Variants in EBF1 observed in about 807,000 individuals in gnomAD.
EBF1 encodes EBF transcription factor 1, also known as transcription factor COE1.
In EBF1, 10 loss-of-function variants were observed where a neutral mutation model predicts 68.4. The ratio of observed to expected loss-of-function variants is 0.15; its 90% CI spans 0.09 to 0.25. The LOEUF is 0.25. Among genes scored for constraint, EBF1 ranks in the 10% least tolerant of loss-of-function variants. The probability of loss-of-function intolerance (pLI) is 1.00; values close to 1 mark genes in which losing one functional copy is unlikely to be tolerated. For synonymous variants in EBF1, 298 were observed against 299.8 expected (o/e 0.99, Z 0.06); for missense variants, 509 against 794.4 (o/e 0.64, Z 4.32).
At chr5:158,933,307 C>T (rs1811297311) in intron 6 of EBF1, among the ~76,000 whole-genome samples, 1 of 152,062 alleles carries the variant, frequency 6.6e-6, no homozygotes, top group African/African-American at 2.4e-5. Context: ...CCACTATAGG[C>T]AACCATCATT....
intron 11 of EBF1, among the ~76,000 whole-genome samples, chr5:158,722,093 TC>T (rs1271504001): frequency 6.6e-6 from 1 of 152,108 alleles, no homozygotes; most frequent in Non-Finnish European, 1.5e-5. Flanking sequence ...TTATTCCAAT[TC>T]ATTGTACTGG....
chr5:158,962,850 C>G (rs1424888591), intron 6 of EBF1, among the ~76,000 whole-genome samples: 1 of 152,188 alleles, frequency 6.6e-6, no homozygotes, highest in Non-Finnish European at 1.5e-5. Context: ...AAGTTTCATA[C>G]TGACTCAAAA....
At chr5:158,910,344 T>C (rs1805688312) in intron 6 of EBF1, among the ~76,000 whole-genome samples, 1 of 152,244 alleles carries the variant, frequency 6.6e-6, no homozygotes, top group Admixed American at 6.5e-5. Flanking sequence ...CTGTTAATAT[T>C]TCCCTTAGAG....
Position 159,077,046 on chromosome 5 carries a change from G to C in EBF1, c.486-3582C>G, listed in dbSNP as rs975923711. Among the ~76,000 whole-genome samples the C allele has an allele frequency of 5.9e-5, 9 of 152,356 alleles. No individual in the cohort carries two copies. In the East Asian group the frequency reaches 1.7e-3, roughly 29 times the overall value. Reference sequence around the variant, plus strand: ...GGGAGAAAAATGAAAGCATGAAAGAGTGAAAGGGAGAGAGGGAGGGGAAGA... The same window carrying C: ...GGGAGAAAAATGAAAGCATGAAAGACTGAAAGGGAGAGAGGGAGGGGAAGA... On this transcript the variant is annotated intron_variant, in intron 5 of 15. Transcript: ENST00000313708.
chr5:158,727,088 T>C (rs1386920757), intron 11 of EBF1, among the ~76,000 whole-genome samples: 2 of 152,216 alleles, frequency 1.3e-5, no homozygotes, highest in Admixed American at 6.5e-5. Context: ...GTGTACCAAG[T>C]AGGGGATCAT....
chr5:158,943,142 C>A (rs1413128890), intron 6 of EBF1, among the ~76,000 whole-genome samples: 1 of 152,050 alleles, frequency 6.6e-6, no homozygotes, highest in Non-Finnish European at 1.5e-5. Flanking sequence ...GAATCCAGGG[C>A]AGTCATCTGA....
chr5:158,870,071 T>A (rs1796619112), intron 6 of EBF1, among the ~76,000 whole-genome samples: 1 of 151,976 alleles, frequency 6.6e-6, no homozygotes, highest in East Asian at 1.9e-4. Flanking sequence ...CAAAACAAAG[T>A]TTTTTTTCCA....
chr5:158,697,693 A>G lies in EBF1; in HGVS notation c.*1418T>C. The stretch of plus-strand genomic sequence containing the variant: ...ATACGCAGTAAAATCTTTTTGTGAT[A>G]TTGAAAAAATGTCTTAAGACATTAA... On this transcript the variant is annotated 3_prime_UTR_variant, in exon 16 of 16. Coordinates refer to ENST00000313708, the MANE Select transcript of EBF1 (RefSeq NM_024007.5). The G allele has an allele frequency of 4.9e-6, 1 of 206,130 alleles. No individual in the cohort carries two copies. The highest frequency in any genetic ancestry group is 9.9e-6 in the Non-Finnish European group (1 of 100,762). 12.8% of individuals were successfully genotyped at this position (206,130 alleles called of 1,614,324 possible). A position where few individuals can be genotyped will look rare whatever the true frequency, so the allele number is the denominator to read the frequency against.
chr5:159,046,806 C>T (rs754954797), intron 6 of EBF1, among the ~76,000 whole-genome samples: 23 of 152,134 alleles, frequency 1.5e-4, no homozygotes, highest in Non-Finnish European at 2.2e-4. Flanking sequence ...GGAGGGAGCC[C>T]GGCTCTGTAG....
intron 6 of EBF1, among the ~76,000 whole-genome samples, chr5:159,017,816 T>G (rs1332699752): frequency 6.6e-6 from 1 of 152,180 alleles, no homozygotes; most frequent in African/African-American, 2.4e-5. Context: ...ACTGAAGACA[T>G]AAGACTGAGA....
chr5:159,043,968 C>A (rs1037922333), intron 6 of EBF1, among the ~76,000 whole-genome samples: 4 of 152,160 alleles, frequency 2.6e-5, no homozygotes, highest in African/African-American at 9.7e-5. Context: ...TAATTCACAG[C>A]AAGTCACCAA....
Position 158,963,702 on chromosome 5 carries a change from A to G in EBF1, c.554+109694T>C, listed in dbSNP as rs539370134. On this transcript the variant is annotated intron_variant, in intron 6 of 15. Transcript: ENST00000313708. Reference sequence around the variant, plus strand: ...TATTAAATCGAAACATTTAAACATGACATAAAAAGGCACCCATCCAGCTAT... The same window carrying G: ...TATTAAATCGAAACATTTAAACATGGCATAAAAAGGCACCCATCCAGCTAT... Among the ~76,000 whole-genome samples the G allele has an allele frequency of 1.1e-4, 17 of 152,336 alleles. No individual in the cohort carries two copies. The South Asian group carries it at 2.5e-3, about 22-fold the overall frequency.
At chr5:159,000,458 G>A (rs1199384495) in intron 6 of EBF1, among the ~76,000 whole-genome samples, 1 of 150,620 alleles carries the variant, frequency 6.6e-6, no homozygotes, top group Non-Finnish European at 1.5e-5. Flanking sequence ...GTTTTGTTTT[G>A]ATTTTTCCAT....
At chr5:158,771,335 A>G (rs1391437006) in intron 10 of EBF1, among the ~76,000 whole-genome samples, 1 of 152,150 alleles carries the variant, frequency 6.6e-6, no homozygotes, top group East Asian at 1.9e-4. Context: ...TCCATTTTAC[A>G]GATAAGAAAA....
At chr5:158,886,895 A>T (rs1800153823) in intron 6 of EBF1, among the ~76,000 whole-genome samples, 1 of 152,156 alleles carries the variant, frequency 6.6e-6, no homozygotes, top group Non-Finnish European at 1.5e-5. Flanking sequence ...CCAGCTACTC[A>T]GGAAGCTGAG....
At chr5:158,941,290 G>T (rs909916659) in intron 6 of EBF1, 2 of 454,664 alleles carry the variant, frequency 4.4e-6, no homozygotes, top group Non-Finnish European at 8.8e-6. Flanking sequence ...TCAGGAACAC[G>T]TACAAATACA....
chr5:158,963,081 G>T (rs186471982), intron 6 of EBF1, among the ~76,000 whole-genome samples: 6 of 152,130 alleles, frequency 3.9e-5, no homozygotes, highest in African/African-American at 1.4e-4. Context: ...CTACAATCAC[G>T]TATCTCCTTA....
chr5:158,735,740 A>C (rs969935742), intron 10 of EBF1, among the ~76,000 whole-genome samples: 3 of 152,204 alleles, frequency 2.0e-5, no homozygotes, highest in African/African-American at 7.2e-5. Flanking sequence ...TTCTGGCTTT[A>C]TGTTGGGACT....
intron 14 of EBF1, among the ~76,000 whole-genome samples, chr5:158,711,350 T>C (rs555587387): frequency 2.0e-5 from 3 of 152,348 alleles, no homozygotes; most frequent in Admixed American, 6.5e-5. Context: ...ATTGTTACTA[T>C]GTTATACCAC....
Sources: gnomAD v4.1 joint callset for allele counts (sites outside exome capture counted in the v4.1 genomes callset) on GRCh38, gnomAD v4.1.1 for gene constraint, MANE v1.5 for transcripts, NCBI Gene and HGNC (gene_info 2026-07-23, HGNC 2026-07-21) for gene names.